The following LCA5 variants were observed in gnomAD, a reference collection of about 807,000 sequenced individuals.
The protein encoded by LCA5 is lebercilin LCA5.
In LCA5, 37 loss-of-function variants were observed where a neutral mutation model predicts 53.0. The ratio of observed to expected loss-of-function variants is 0.70; its 90% CI spans 0.54 to 0.92. LCA5 has a LOEUF of 0.92. LCA5 is among the 40% of genes least tolerant of loss of function. The pLI, the probability that LCA5 is intolerant of heterozygous loss-of-function variation, is 0.00. For synonymous variants in LCA5, 303 were observed against 282.9 expected (o/e 1.07, Z -0.71); for missense variants, 806 against 790.5 (o/e 1.02, Z -0.23).
At chr6:79,510,632 GAAAA>G (rs1339868521) in intron 3 of LCA5, among the ~76,000 whole-genome samples, 13 of 152,098 alleles carry the variant, frequency 8.5e-5, no homozygotes, top group African/African-American at 2.9e-4. Context: ...AAGACACTGT[GAAAA>G]GGATGACAAG....
rs775956447 is a variant in LCA5 at position 79,489,127 on chromosome 6, T to C, written c.1188A>G (p.Glu396=). The part of the protein sequence containing the change: ...MEREEKFVTD[E]ELHVVKQEVE... ...CCTCCTGTTTTACGACATGGAGTTC[T>C]TCATCTGTAACAAATTTTTCTTCTC... The change falls in exon 7 of 8, where the codon GAA becomes GAG. Residue 396 remains glutamate, a synonymous_variant. Transcript: ENST00000369846. The C allele has an allele frequency of 1.9e-6, 3 of 1,613,318 alleles. No individual in the cohort carries two copies. The highest frequency in any genetic ancestry group is 2.5e-6 in the Non-Finnish European group (3 of 1,179,752).
At chr6:79,506,198 TTA>T (rs1438991317) in intron 3 of LCA5, among the ~76,000 whole-genome samples, 2 of 152,200 alleles carry the variant, frequency 1.3e-5, no homozygotes, top group African/African-American at 4.8e-5. Flanking sequence ...TAAAAAAGTC[TTA>T]ATAGTTTCTT....
chr6:79,504,650 A>C (rs1770228914), intron 3 of LCA5, among the ~76,000 whole-genome samples: 2 of 152,198 alleles, frequency 1.3e-5, no homozygotes, highest in South Asian at 4.1e-4. Flanking sequence ...TGTATGGAGA[A>C]ACTTTTAGGC....
intron 1 of LCA5, among the ~76,000 whole-genome samples, chr6:79,526,236 C>A (rs2127687232): frequency 6.6e-6 from 1 of 152,134 alleles, no homozygotes; most frequent in South Asian, 2.1e-4. Flanking sequence ...GGAATGTGGT[C>A]AAAATAATAT....
chr6:79,518,188 A>G (rs1766500632), intron 2 of LCA5, among the ~76,000 whole-genome samples: 1 of 152,156 alleles, frequency 6.6e-6, no homozygotes, highest in South Asian at 2.1e-4. Context: ...TCCAGTTTCC[A>G]TTATAACACA....
chr6:79,537,736 A>G (rs760811492), upstream of LCA5, among the ~76,000 whole-genome samples: 1 of 152,216 alleles, frequency 6.6e-6, no homozygotes, highest in Non-Finnish European at 1.5e-5. Context: ...ATGAATTGTA[A>G]AATTGGCGAC....
chr6:79,501,349 G>C (rs770066227), intron 3 of LCA5, among the ~76,000 whole-genome samples: 1 of 151,972 alleles, frequency 6.6e-6, no homozygotes, highest in Non-Finnish European at 1.5e-5. Context: ...AGTGCCAAAT[G>C]TTGCAAATAA....
At position 79,491,624 on chromosome 6, in the gene LCA5, G is replaced by A. The variant is rs183261547; in HGVS notation, c.1062C>T (p.Tyr354=). ...GTCCTGGTTCTTCCCATTTGTTTTC[G>A]TAACACATAATTGTTTCTGGAGTTA... ...YPLTPETIMC[Y]ENKWEEPGHL... is the part of the protein sequence containing the mutation. The change falls in exon 6 of 8, where the codon TAC becomes TAT. Residue 354 remains tyrosine (Y), a synonymous_variant. Coordinates refer to ENST00000369846, the MANE Select transcript of LCA5 (RefSeq NM_001122769.3). 62 of 1,612,906 alleles carry A rather than the reference G, an allele frequency of 3.8e-5. No individual in the cohort carries two copies. In the Middle Eastern group the frequency reaches 9.9e-4, roughly 26 times the overall value.
chr6:79,533,571 T>G (rs1264026515), intron 1 of LCA5, among the ~76,000 whole-genome samples: 2 of 146,420 alleles, frequency 1.4e-5, no homozygotes, highest in African/African-American at 5.1e-5. Flanking sequence ...CATCCAAAAG[T>G]AAACTCTCCT....
At chr6:79,529,573 G>A (rs1766894308) in intron 1 of LCA5, among the ~76,000 whole-genome samples, 1 of 152,042 alleles carries the variant, frequency 6.6e-6, no homozygotes, top group African/African-American at 2.4e-5. Flanking sequence ...AACCTTGTGA[G>A]GGGTATAAAA....
intron 7 of LCA5, 56 bp from the exon 8 acceptor site, chr6:79,487,922 A>G: frequency 1.5e-6 from 2 of 1,329,332 alleles, no homozygotes; most frequent in South Asian, 2.6e-5. Context: ...ATTTTTAAAT[A>G]GGAAAACTAT....
At position 79,520,766 on chromosome 6, in the gene LCA5, T is replaced by C. The variant is rs116747277; in HGVS notation, c.-191-1681A>G. On this transcript the variant is annotated intron_variant, in intron 1 of 7. Coordinates refer to ENST00000369846, the MANE Select transcript of LCA5 (RefSeq NM_001122769.3). ...TAATACTATGAAGCTATTAAAGGAA[T>C]GAAGACTATCTCTGTGTATTGCTCA... is the stretch of plus-strand genomic sequence containing the variant. Among the ~76,000 whole-genome samples the C allele has an allele frequency of 7.1e-3, 1,088 of 152,300 alleles. 14 individuals carry two copies. The highest frequency in any genetic ancestry group is 0.024 in the African/African-American group (1,010 of 41,562).
chr6:79,511,176 A>C (rs1770400234), intron 3 of LCA5, among the ~76,000 whole-genome samples: 1 of 152,194 alleles, frequency 6.6e-6, no homozygotes, highest in African/African-American at 2.4e-5. Flanking sequence ...TATTCAAACA[A>C]AAATGTGCAC....
At chr6:79,526,010 A>G (rs1423769108) in intron 1 of LCA5, among the ~76,000 whole-genome samples, 1 of 152,230 alleles carries the variant, frequency 6.6e-6, no homozygotes, top group Non-Finnish European at 1.5e-5. Context: ...TCACTAAACA[A>G]GTATGTGGAA....
chr6:79,526,434 C>A (rs1233591087), intron 1 of LCA5, among the ~76,000 whole-genome samples: 1 of 152,080 alleles, frequency 6.6e-6, no homozygotes, highest in Non-Finnish European at 1.5e-5. Context: ...GTCCCAGCTA[C>A]TTGGGAGGCT....
chr6:79,494,793 CTAGAG>C (rs1769935329), intron 3 of LCA5, among the ~76,000 whole-genome samples: 1 of 152,046 alleles, frequency 6.6e-6, no homozygotes. Context: ...CCAATTTTTC[CTAGAG>C]TAAACATCCT....
intron 2 of LCA5, among the ~76,000 whole-genome samples, chr6:79,517,816 T>C (rs1766484153): frequency 6.6e-6 from 1 of 152,150 alleles, no homozygotes; most frequent in African/African-American, 2.4e-5. Flanking sequence ...TGGCTAACTA[T>C]TCGCCACAAA....
At chr6:79,513,086 A>G (rs777804935) in intron 3 of LCA5, 126 bp downstream of exon 3, 64 of 913,074 alleles carry the variant, frequency 7.0e-5, no homozygotes, top group Non-Finnish European at 1.1e-4. Flanking sequence ...TTCCCAAAAC[A>G]GTACTAAAAA....
chr6:79,525,243 A>C (rs1178424525), intron 1 of LCA5: 1 of 152,018 alleles, frequency 6.6e-6, no homozygotes, highest in Non-Finnish European at 1.5e-5. Flanking sequence ...TATTCCTTTG[A>C]AGATAATTTC....
Sources: gnomAD v4.1 joint callset for allele counts (sites outside exome capture counted in the v4.1 genomes callset) on GRCh38, gnomAD v4.1.1 for gene constraint, MANE v1.5 for transcripts, NCBI Gene and HGNC (gene_info 2026-07-23, HGNC 2026-07-21) for gene names.